The following FHOD3 variants were observed in gnomAD, a reference collection of about 807,000 sequenced individuals.
FHOD3 encodes FH1/FH2 domain-containing protein 3.
In FHOD3, 90 loss-of-function variants were observed where a neutral mutation model predicts 173.0. The observed-to-expected ratio is 0.52, with a 90% confidence interval of 0.44 to 0.62. FHOD3 has a LOEUF of 0.62. Among genes scored for constraint, FHOD3 ranks in the 20% least tolerant of loss-of-function variants. FHOD3 has a pLI of 0.00. For synonymous variants in FHOD3, 828 were observed against 823.0 expected, an observed-to-expected ratio of 1.01 and a Z score of -0.10; for missense variants, 1,945 against 2,034.7, an observed-to-expected ratio of 0.96 and a Z score of 0.85.
chr18:36,328,385 G>A (rs73949432), intron 1 of FHOD3, among the ~76,000 whole-genome samples: 8,005 of 152,114 alleles, frequency 0.053, 424 homozygotes, highest in African/African-American at 0.13. Flanking sequence ...CAAGTGCAAG[G>A]GTCCTGAGAT....
chr18:36,690,574 G>C (rs1023575102), intron 16 of FHOD3, among the ~76,000 whole-genome samples: 1 of 152,108 alleles, frequency 6.6e-6, no homozygotes, highest in Non-Finnish European at 1.5e-5. Context: ...GGGGCAGGAG[G>C]GGTCGCTAAG....
rs186104012 is a variant in FHOD3 at position 36,343,066 on chromosome 18, G to A, written c.166-12473G>A. Reference sequence around the variant, plus strand: ...GAAATTGGAAACTTCAAACATTGCTGGTGGGAATGTAAAATGATACAGCCA... The same window carrying A: ...GAAATTGGAAACTTCAAACATTGCTAGTGGGAATGTAAAATGATACAGCCA... On this transcript the variant is annotated intron_variant, in intron 1 of 28. Transcript: ENST00000590592. Among the ~76,000 whole-genome samples, 59 of 152,338 alleles carry A rather than the reference G, an allele frequency of 3.9e-4. 1 individual carries two copies. The East Asian group carries it at 0.011, about 27-fold the overall frequency.
intron 3 of FHOD3, among the ~76,000 whole-genome samples, chr18:36,439,123 T>G (rs3893351): frequency 0.012 from 1,828 of 152,342 alleles, 48 homozygotes; most frequent in African/African-American, 0.042. Context: ...ATCTTATTAC[T>G]GAAAGAAGTT....
At chr18:36,426,247 T>G (rs2050238336) in intron 3 of FHOD3, among the ~76,000 whole-genome samples, 1 of 152,066 alleles carries the variant, frequency 6.6e-6, no homozygotes, top group Non-Finnish European at 1.5e-5. Flanking sequence ...CTCTACATGG[T>G]AGGGGTTGTT....
intron 3 of FHOD3, among the ~76,000 whole-genome samples, chr18:36,445,612 T>G (rs1314876423): frequency 1.3e-5 from 2 of 152,190 alleles, no homozygotes; most frequent in Non-Finnish European, 2.9e-5. Context: ...TAGGAAGAGA[T>G]ATTCTAAATC....
chr18:36,325,616 A>G (rs1446671469), intron 1 of FHOD3, among the ~76,000 whole-genome samples: 3 of 152,178 alleles, frequency 2.0e-5, no homozygotes, highest in African/African-American at 7.2e-5. Flanking sequence ...TTTATCCATA[A>G]TAGATGGTGC....
intron 27 of FHOD3, among the ~76,000 whole-genome samples, chr18:36,764,977 T>C (rs532173975): frequency 7.9e-5 from 12 of 152,156 alleles, no homozygotes; most frequent in Non-Finnish European, 1.6e-4. Context: ...GGATTGGGCT[T>C]ATGGTAGTGG....
At chr18:36,434,286 T>C (rs1277949541) in intron 3 of FHOD3, among the ~76,000 whole-genome samples, 2 of 152,256 alleles carry the variant, frequency 1.3e-5, no homozygotes, top group Non-Finnish European at 2.9e-5. Flanking sequence ...TGTCTATTAA[T>C]AGTCGTTCAA....
intron 5 of FHOD3, among the ~76,000 whole-genome samples, chr18:36,540,104 G>A (rs990978041): frequency 2.0e-4 from 30 of 152,316 alleles, no homozygotes; most frequent in African/African-American, 7.0e-4. Context: ...GGCGTGGGGT[G>A]GAGGTGACAT....
intron 1 of FHOD3, among the ~76,000 whole-genome samples, chr18:36,352,682 T>C (rs2046186925): frequency 6.6e-6 from 1 of 152,242 alleles, no homozygotes; most frequent in Non-Finnish European, 1.5e-5. Context: ...ATCCCAGTGC[T>C]TCTCTCTTTA....
intron 5 of FHOD3, among the ~76,000 whole-genome samples, chr18:36,528,229 G>A (rs771706775): frequency 6.6e-6 from 1 of 152,182 alleles, no homozygotes; most frequent in Non-Finnish European, 1.5e-5. Context: ...TCAAAAGCTA[G>A]AAGGAAAGCC....
At chr18:36,640,938 G>A (rs1383341429) in intron 10 of FHOD3, among the ~76,000 whole-genome samples, 1 of 152,218 alleles carries the variant, frequency 6.6e-6, no homozygotes, top group Non-Finnish European at 1.5e-5. Flanking sequence ...GTCTGGCCTG[G>A]ATGTTAGGAG....
rs561996801 is a variant in FHOD3, at chr18:36,561,730, C to T, written c.512-14721C>T. 1.5e-3 allele frequency among the ~76,000 whole-genome samples: 233 copies of T among 152,254 alleles called. 1 individual carries two copies. Among genetic ancestry groups the T allele is most frequent in the African/African-American group, 5.4e-3 (223 of 41,548 alleles). ...CTAGCTCCTCAATCTTCCTTACCCC[C>T]ACTCCATCTTTTTTCTTTGTACACT... On this transcript the variant is annotated intron_variant, in intron 5 of 28. Coordinates refer to ENST00000590592, the MANE Select transcript of FHOD3 (RefSeq NM_001281740.3).
chr18:36,395,979 C>T lies in FHOD3; in HGVS notation c.337+23235C>T, dbSNP rs1418644947. 2.6e-5 allele frequency among the ~76,000 whole-genome samples: 4 copies of T among 152,234 alleles called. No individual in the cohort carries two copies. In the South Asian group the frequency reaches 8.3e-4, roughly 32 times the overall value. ...TTGAGGACCCTCCTTCTAGTAGATT[C>T]TTTAGAAAGGTCTCTGAAATTTTGC... On this transcript the variant is annotated intron_variant, in intron 3 of 28. Coordinates refer to ENST00000590592, the MANE Select transcript of FHOD3 (RefSeq NM_001281740.3).
rs754717767 is a variant in FHOD3, at chr18:36,480,617, G to A, written c.338-21315G>A. The stretch of plus-strand genomic sequence containing the variant: ...GCAGTTTCTGTAAGGCTCTAGAAAC[G>A]TAGGAGAGTAACTTTAGTCATATTG... On this transcript the variant is annotated intron_variant, in intron 3 of 28. Transcript: ENST00000590592. Among the ~76,000 whole-genome samples the A allele has an allele frequency of 2.0e-4, 31 of 152,198 alleles. 1 individual carries two copies. Among genetic ancestry groups the A allele is most frequent in the Non-Finnish European group, 7.3e-5 (5 of 68,042 alleles).
intron 16 of FHOD3, 48 bp from the exon 17 acceptor site, chr18:36,693,161 C>T (rs771984743): frequency 7.7e-6 from 12 of 1,553,584 alleles, no homozygotes; most frequent in South Asian, 1.2e-5. Flanking sequence ...GCATCAGCCA[C>T]AGGCTCCTCT....
At chr18:36,638,499 C>T (rs2035048952) in intron 10 of FHOD3, among the ~76,000 whole-genome samples, 2 of 152,130 alleles carry the variant, frequency 1.3e-5, no homozygotes, top group South Asian at 4.1e-4. Flanking sequence ...GCCTATCTGC[C>T]TGCCTGCTTG....
At chr18:36,628,107 TA>T (rs1002142636) in intron 10 of FHOD3, among the ~76,000 whole-genome samples, 6 of 152,130 alleles carry the variant, frequency 3.9e-5, no homozygotes, top group Non-Finnish European at 1.5e-5. Flanking sequence ...CATATTGTTC[TA>T]AAAAAATATA....
chr18:36,340,924 A>C (rs1352592816), intron 1 of FHOD3, among the ~76,000 whole-genome samples: 1 of 152,146 alleles, frequency 6.6e-6, no homozygotes, highest in Non-Finnish European at 1.5e-5. Flanking sequence ...GGCGTGAGCC[A>C]CCGCGCCCGG....
Sources: allele counts gnomAD v4.1 joint callset (sites outside exome capture counted in the v4.1 genomes callset), GRCh38; gene constraint gnomAD v4.1.1; transcripts MANE v1.5; gene names NCBI Gene and HGNC (gene_info 2026-07-23, HGNC 2026-07-21).